PTPRD: variants seen among roughly 807,000 people sequenced by gnomAD.
PTPRD encodes the protein receptor-type tyrosine-protein phosphatase delta.
A neutral mutation model predicts 214.5 loss-of-function variants in PTPRD; 34 were observed. The ratio of observed to expected loss-of-function variants is 0.16; its 90% CI spans 0.12 to 0.21. The LOEUF is 0.21. PTPRD is among the 10% of genes least tolerant of loss of function. PTPRD has a pLI of 1.00. For missense variants in PTPRD, 2,545 were observed against 2,398.7 expected (o/e 1.06, Z -1.27); for synonymous variants, 1,128 against 845.7 (o/e 1.33, Z -5.79).
At chr9:10,223,870 A>T (rs1040557381) in intron 3 of PTPRD, among the ~76,000 whole-genome samples, 1 of 151,588 alleles carries the variant, frequency 6.6e-6, no homozygotes, top group Non-Finnish European at 1.5e-5. Flanking sequence ...AGAAAAAAAT[A>T]AACAACTTAA....
intron 10 of PTPRD, among the ~76,000 whole-genome samples, chr9:9,140,197 A>AAAAAAG (rs1212542142): frequency 2.0e-5 from 3 of 151,754 alleles, no homozygotes; most frequent in Non-Finnish European, 2.9e-5. Flanking sequence ...CATGGAAAAA[A>AAAAAAG]AAAAAGAAAA....
intron 31 of PTPRD, among the ~76,000 whole-genome samples, chr9:8,470,275 T>G (rs1037524473): frequency 2.0e-5 from 3 of 152,116 alleles, no homozygotes; most frequent in African/African-American, 7.2e-5. Flanking sequence ...CTTGCCTAAA[T>G]AGAAGTATGT....
rs1284150129 is a variant in PTPRD at position 9,661,907 on chromosome 9, C to A, written c.-287+72626G>T. Among the ~76,000 whole-genome samples, 6 of 151,800 alleles carry A rather than the reference C, an allele frequency of 4.0e-5. No individual in the cohort carries two copies. The South Asian group carries it at 1.2e-3, about 31-fold the overall frequency. On this transcript the variant is annotated intron_variant, in intron 7 of 45. Coordinates refer to ENST00000381196, the MANE Select transcript of PTPRD (RefSeq NM_002839.4). ...AAGTTATTTTGAAGCAAGTGCTACT[C>A]TGGTGGAACAGTGAATTTAATCATC...
intron 8 of PTPRD, among the ~76,000 whole-genome samples, chr9:9,425,516 G>C (rs2080513205): frequency 6.7e-6 from 1 of 148,478 alleles, no homozygotes; most frequent in Non-Finnish European, 1.5e-5. Context: ...TGCCATAAAA[G>C]TAATGGCAAA....
intron 5 of PTPRD, among the ~76,000 whole-genome samples, chr9:9,787,964 G>A (rs969110545): frequency 2.6e-5 from 4 of 151,362 alleles, no homozygotes; most frequent in South Asian, 2.1e-4. Context: ...TGTGTTTTTA[G>A]TAAAGACAGG....
intron 8 of PTPRD, among the ~76,000 whole-genome samples, chr9:9,544,803 T>C (rs2078394633): frequency 6.6e-6 from 1 of 151,668 alleles, no homozygotes; most frequent in Non-Finnish European, 1.5e-5. Flanking sequence ...GTTTTAGATT[T>C]GGTATTCTGC....
At chr9:8,664,735 C>T (rs2097136726) in intron 12 of PTPRD, among the ~76,000 whole-genome samples, 1 of 152,190 alleles carries the variant, frequency 6.6e-6, no homozygotes, top group South Asian at 2.1e-4. Context: ...CTGCATACAG[C>T]CAGAAGCTGC....
At chr9:10,131,060 A>C (rs958412088) in intron 3 of PTPRD, among the ~76,000 whole-genome samples, 1 of 152,174 alleles carries the variant, frequency 6.6e-6, no homozygotes, top group African/African-American at 2.4e-5. Flanking sequence ...CAAAACAAGA[A>C]CAAAAAGAAT....
intron 11 of PTPRD, among the ~76,000 whole-genome samples, chr9:8,906,818 T>A (rs2098711112): frequency 6.6e-6 from 1 of 151,900 alleles, no homozygotes; most frequent in African/African-American, 2.4e-5. Context: ...AACAGGGAGA[T>A]CCGAAAAATG....
intron 2 of PTPRD, among the ~76,000 whole-genome samples, chr9:10,485,744 T>C (rs891687047): frequency 6.6e-6 from 1 of 151,912 alleles, no homozygotes; most frequent in African/African-American, 2.4e-5. Flanking sequence ...TTATCAGTTC[T>C]AGTATTTTTT....
intron 5 of PTPRD, among the ~76,000 whole-genome samples, chr9:9,799,817 G>C (rs1002103649): frequency 2.0e-5 from 3 of 152,168 alleles, no homozygotes; most frequent in African/African-American, 7.2e-5. Flanking sequence ...AGATAAAATA[G>C]TCATCTAAAG....
At chr9:10,052,341 TG>T (rs1325258816) in intron 3 of PTPRD, among the ~76,000 whole-genome samples, 1 of 152,080 alleles carries the variant, frequency 6.6e-6, no homozygotes, top group East Asian at 1.9e-4. Flanking sequence ...AAAAGGCGCC[TG>T]CTTAGTGGCA....
At chr9:8,860,167 T>C (rs577826715) in intron 11 of PTPRD, 1 of 152,338 alleles carries the variant, frequency 6.6e-6, no homozygotes, top group East Asian at 1.9e-4. Flanking sequence ...AAACCCCTAA[T>C]ATTCCTTTGC....
At chr9:8,376,810 C>T (rs2083388395) in intron 37 of PTPRD, 84 bp from the exon 38 acceptor site, 7 of 1,565,724 alleles carry the variant, frequency 4.5e-6, no homozygotes, top group Non-Finnish European at 5.2e-6. Context: ...TGAAGGAAAA[C>T]AGCTTTTCTG....
At position 9,255,805 on chromosome 9, in the gene PTPRD, T is replaced by C. The variant is rs2099977462; in HGVS notation, c.-202-72442A>G. ...AAGATCCGGGACTTTTTTCATTTTG[T>C]TTATGACTGTATACTTCATACCCAG... On this transcript the variant is annotated intron_variant, in intron 9 of 45. Transcript: ENST00000381196. Among the ~76,000 whole-genome samples the C allele has an allele frequency of 4.6e-5, 7 of 152,052 alleles. No individual in the cohort carries two copies. In the South Asian group the frequency reaches 1.4e-3, roughly 31 times the overall value.
intron 11 of PTPRD, among the ~76,000 whole-genome samples, chr9:8,856,149 T>A (rs372409159): frequency 6.6e-6 from 1 of 152,208 alleles, no homozygotes. Context: ...TCAAAGTAAG[T>A]AAGATACTAA....
chr9:9,603,675 C>T (rs973179395), intron 7 of PTPRD, among the ~76,000 whole-genome samples: 2 of 152,050 alleles, frequency 1.3e-5, no homozygotes, highest in East Asian at 1.9e-4. Flanking sequence ...GAATCTAATG[C>T]CTGATGATTT....
At chr9:9,317,946 C>A (rs545141114) in intron 9 of PTPRD, among the ~76,000 whole-genome samples, 2 of 151,918 alleles carry the variant, frequency 1.3e-5, no homozygotes, top group East Asian at 3.9e-4. Context: ...CCAAGACAGG[C>A]GGATCACTTG....
intron 8 of PTPRD, among the ~76,000 whole-genome samples, chr9:9,542,304 G>T (rs1421809469): frequency 6.6e-6 from 1 of 151,626 alleles, no homozygotes; most frequent in Non-Finnish European, 1.5e-5. Flanking sequence ...ATTGATTCCT[G>T]TCTCACTTAA....
Sources: allele counts gnomAD v4.1 joint callset (sites outside exome capture counted in the v4.1 genomes callset), GRCh38; gene constraint gnomAD v4.1.1; transcripts MANE v1.5; gene names NCBI Gene and HGNC (gene_info 2026-07-23, HGNC 2026-07-21).